The following NCOA2 variants were observed in gnomAD, a reference collection of about 807,000 sequenced individuals.
NCOA2 encodes nuclear receptor coactivator 2.
In NCOA2, 21 loss-of-function variants were observed where a neutral mutation model predicts 145.1. The ratio of observed to expected loss-of-function variants is 0.14; its 90% CI spans 0.10 to 0.21. The LOEUF (loss-of-function observed/expected upper bound fraction) is 0.21. Ranked by LOEUF, NCOA2 falls within the 10% of genes least tolerant of loss-of-function variation. NCOA2 has a pLI of 1.00. For synonymous variants in NCOA2, 619 were observed against 637.5 expected, an observed-to-expected ratio of 0.97 and a Z score of 0.44; for missense variants, 1,472 against 1,837.6, an observed-to-expected ratio of 0.80 and a Z score of 3.64.
chr8:70,343,145 T>C (rs1808301576), intron 1 of NCOA2, among the ~76,000 whole-genome samples: 1 of 152,134 alleles, frequency 6.6e-6, no homozygotes, highest in Admixed American at 6.6e-5. Context: ...TAGTAAAAAG[T>C]TTCAAGGGAC....
intron 1 of NCOA2, among the ~76,000 whole-genome samples, chr8:70,312,108 TCAGATCTTCTGACTCTAGCTCAGTG>T (rs1586455571): frequency 6.6e-6 from 1 of 152,148 alleles, no homozygotes; most frequent in East Asian, 1.9e-4. Context: ...AACCTGGAAA[TCAGATCTTCTGACTCTAGCTCAGTG>T]CTCACGCAAG....
intron 22 of NCOA2, among the ~76,000 whole-genome samples, chr8:70,119,885 T>C (rs538462883): frequency 2.0e-5 from 3 of 150,964 alleles, no homozygotes; most frequent in African/African-American, 7.3e-5. Flanking sequence ...TTTTTTTTTT[T>C]TTGAGATGGA....
the NCOA2 span, among the ~76,000 whole-genome samples, chr8:70,444,043 T>G: frequency 2.0e-5 from 3 of 152,230 alleles, no homozygotes; most frequent in Non-Finnish European, 2.9e-5. Flanking sequence ...TAAAAACTTA[T>G]GTTCACACAC....
chr8:70,379,980 T>C (rs1471615125), intron 1 of NCOA2, among the ~76,000 whole-genome samples: 3 of 152,074 alleles, frequency 2.0e-5, no homozygotes, highest in Non-Finnish European at 4.4e-5. Flanking sequence ...ACTTTATAAA[T>C]AACTTAATGA....
the NCOA2 span, among the ~76,000 whole-genome samples, chr8:70,456,076 C>CA: frequency 0.033 from 3,382 of 102,484 alleles, 119 homozygotes; most frequent in African/African-American, 0.1. Context: ...CATTGCGTAG[C>CA]AAAAAAAAAA....
At chr8:70,403,390 T>A (rs2131876655) in intron 1 of NCOA2, among the ~76,000 whole-genome samples, 1 of 151,312 alleles carries the variant, frequency 6.6e-6, no homozygotes, top group East Asian at 2.0e-4. Flanking sequence ...GGGACTCGTC[T>A]CCTGAGCTCT....
chr8:70,146,055 T>C (rs2131951547), intron 12 of NCOA2, among the ~76,000 whole-genome samples: 1 of 152,376 alleles, frequency 6.6e-6, no homozygotes, highest in South Asian at 2.1e-4. Context: ...ATCTCTTACA[T>C]ATATCACCAA....
At chr8:70,300,190 C>G (rs1352113162) in intron 1 of NCOA2, among the ~76,000 whole-genome samples, 3 of 152,052 alleles carry the variant, frequency 2.0e-5, no homozygotes, top group Admixed American at 2.0e-4. Context: ...TAGAATTGTT[C>G]TAAAACTGAA....
intron 22 of NCOA2, among the ~76,000 whole-genome samples, chr8:70,119,433 C>T (rs146507850): frequency 6.6e-5 from 10 of 152,220 alleles, no homozygotes; most frequent in Middle Eastern, 3.4e-3. Context: ...TGTATATGTA[C>T]CACATTTTCT....
At chr8:70,415,043 C>G in the NCOA2 span, among the ~76,000 whole-genome samples, 1 of 152,150 alleles carries the variant, frequency 6.6e-6, no homozygotes, top group Non-Finnish European at 1.5e-5. Flanking sequence ...TGGCTCATGC[C>G]TGTAATCCTA....
chr8:70,353,965 T>C (rs1197057746), intron 1 of NCOA2, among the ~76,000 whole-genome samples: 1 of 152,146 alleles, frequency 6.6e-6, no homozygotes, highest in Non-Finnish European at 1.5e-5. Context: ...ATCTCCCTAA[T>C]TGCATGCAAT....
intron 1 of NCOA2, among the ~76,000 whole-genome samples, chr8:70,330,671 A>C (rs189975202): frequency 1.3e-5 from 2 of 152,300 alleles, no homozygotes; most frequent in East Asian, 3.9e-4. Flanking sequence ...CCAGAAATTA[A>C]AATTTGGAAA....
chr8:70,372,380 C>A (rs1811298521), intron 1 of NCOA2, among the ~76,000 whole-genome samples: 1 of 152,178 alleles, frequency 6.6e-6, no homozygotes, highest in Non-Finnish European at 1.5e-5. Context: ...TTCAGAAGTG[C>A]TGAGATTAGT....
chr8:70,258,327 C>A (rs1324539565), intron 2 of NCOA2, among the ~76,000 whole-genome samples: 2 of 152,138 alleles, frequency 1.3e-5, no homozygotes, highest in South Asian at 2.1e-4. Context: ...TAAATGAGAC[C>A]CAATTTTCAT....
At chr8:70,130,221 G>A (rs142834281) in intron 16 of NCOA2, among the ~76,000 whole-genome samples, 14 of 152,184 alleles carry the variant, frequency 9.2e-5, no homozygotes, top group Middle Eastern at 3.4e-3. Flanking sequence ...ACATGAATAC[G>A]AATAATTTGT....
chr8:70,446,359 C>A, the NCOA2 span, among the ~76,000 whole-genome samples: 1 of 152,132 alleles, frequency 6.6e-6, no homozygotes, highest in Non-Finnish European at 1.5e-5. Context: ...AAGGTGCCTT[C>A]CAGAGGACTG....
At chr8:70,413,661 T>A in the NCOA2 span, among the ~76,000 whole-genome samples, 1 of 152,146 alleles carries the variant, frequency 6.6e-6, no homozygotes, top group Non-Finnish European at 1.5e-5. Flanking sequence ...TGACAGAGAG[T>A]CTTACCACTG....
At position 70,126,898 on chromosome 8, in the gene NCOA2, C is replaced by T. The variant is rs759966440; in HGVS notation, c.3831G>A (p.Val1277=). The change falls in exon 19 of 23, where the codon GTG becomes GTA. Residue 1277 remains valine, a synonymous_variant. Coordinates refer to ENST00000452400, the MANE Select transcript of NCOA2 (RefSeq NM_006540.4). ...GQGLNMTPSM[V]APSGMPATMS... ...TAGTTGCTGGCATACCACTAGGAGCCACCATGCTTGGTGTCATATTCAACC... is the reference window on the plus strand; with the variant it reads ...TAGTTGCTGGCATACCACTAGGAGCTACCATGCTTGGTGTCATATTCAACC... 9.9e-6 allele frequency: 16 copies of T among 1,613,854 alleles called. No individual in the cohort carries two copies. Among genetic ancestry groups the T allele is most frequent in the Non-Finnish European group, 1.3e-5 (15 of 1,179,882 alleles).
intron 2 of NCOA2, among the ~76,000 whole-genome samples, chr8:70,283,747 G>GT (rs1417431487): frequency 1.1e-4 from 16 of 152,134 alleles, no homozygotes; most frequent in South Asian, 1.0e-3. Context: ...CAGATTTCTG[G>GT]TTTTTTTCAG....
Sources: gnomAD v4.1 joint callset for allele counts (sites outside exome capture counted in the v4.1 genomes callset) on GRCh38, gnomAD v4.1.1 for gene constraint, MANE v1.5 for transcripts, NCBI Gene and HGNC (gene_info 2026-07-23, HGNC 2026-07-21) for gene names.